The following SNED1 variants were observed in gnomAD, a reference collection of about 807,000 sequenced individuals.
SNED1 encodes the protein sushi, nidogen and EGF like domains 1, also known as sushi, nidogen and EGF-like domain-containing protein 1.
A neutral mutation model predicts 166.7 loss-of-function variants in SNED1; 81 were observed. That is an observed-to-expected ratio of 0.49 (90% CI 0.41 to 0.58). The LOEUF (loss-of-function observed/expected upper bound fraction) is 0.58. Among genes scored for constraint, SNED1 ranks in the 20% least tolerant of loss-of-function variants. The probability of loss-of-function intolerance (pLI) is 0.00; values close to 1 mark genes in which losing one functional copy is unlikely to be tolerated. For missense variants in SNED1, 1,604 were observed against 2,000.2 expected (o/e 0.80, Z 3.78); for synonymous variants, 762 against 822.0 (o/e 0.93, Z 1.25).
chr2:241,068,070 T>C lies in SNED1; in HGVS notation c.3194+123T>C. 1.1e-6 allele frequency: 1 copy of C among 928,268 alleles called. No homozygotes were observed. The highest frequency in any genetic ancestry group is 1.6e-6 in the Non-Finnish European group (1 of 625,762). The allele number at this position is 928,268 out of a possible 1,614,324, so 57.5% of individuals were successfully genotyped here. On this transcript the variant is annotated intron_variant, in intron 22 of 31. Coordinates refer to ENST00000310397, the MANE Select transcript of SNED1 (RefSeq NM_001080437.3). The surrounding 1 kb of genome is among the most constrained non-coding windows in gnomAD (Gnocchi z 5.3). ...ACTGTACCACCTGCCGCTCCTCACC[T>C]GAGCGGAGACAAAGGTCTCAGGTGA...
chr2:241,070,081 G>T lies in SNED1; in HGVS notation c.3469G>T (p.Ala1157Ser). The T allele has an allele frequency of 6.2e-7, 1 of 1,613,114 alleles. No individual in the cohort carries two copies. Among genetic ancestry groups the T allele is most frequent in the Non-Finnish European group, 8.5e-7 (1 of 1,179,890 alleles). The change falls in exon 24 of 32, where the codon GCG becomes TCG. Residue 1157 changes from alanine to serine, a missense_variant. Coordinates refer to ENST00000310397, the MANE Select transcript of SNED1 (RefSeq NM_001080437.3). The part of the protein sequence containing the change: ...KSRYVPNGKL[A>S]SYTVRDLLPG... ...CCGCTATGTCCCCAACGGGAAGCTGGCGTCCTACACGGTGCGCGACCTGCT... is the reference window on the plus strand; with the variant it reads ...CCGCTATGTCCCCAACGGGAAGCTGTCGTCCTACACGGTGCGCGACCTGCT...
At chr2:241,070,395 G>A (rs546116193) in intron 24 of SNED1, among the ~76,000 whole-genome samples, 194 bp downstream of exon 24, 1 of 152,374 alleles carries the variant, frequency 6.6e-6, no homozygotes, top group Non-Finnish European at 1.5e-5. Flanking sequence ...AGGACTCATG[G>A]GCAGGTGGCA....
intron 6 of SNED1, among the ~76,000 whole-genome samples, chr2:241,038,461 A>G (rs1358148896): frequency 6.6e-6 from 1 of 152,232 alleles, no homozygotes; most frequent in Non-Finnish European, 1.5e-5. Context: ...TGTGACTTCA[A>G]GGTCCAAAGC....
intron 1 of SNED1, among the ~76,000 whole-genome samples, chr2:241,023,372 A>T (rs2060826016): frequency 6.6e-6 from 1 of 151,970 alleles, no homozygotes; most frequent in Non-Finnish European, 1.5e-5. Context: ...CTTAACCTCT[A>T]CTTTTTAAGT....
rs1420530899 is a variant in SNED1 at position 240,999,160 on chromosome 2, G to A, written c.213+110G>A. The A allele has an allele frequency of 1.4e-5, 8 of 588,978 alleles. No homozygotes were observed. Among genetic ancestry groups the A allele is most frequent in the Non-Finnish European group, 1.9e-5 (8 of 416,668 alleles). 36.5% of individuals were successfully genotyped at this position (588,978 alleles called of 1,614,324 possible). ...GCCGCCGCCAGCCACTTGGCACCGGGGCGGCCCGAGGTGGAATGAGGACAG... is the reference window on the plus strand; with the variant it reads ...GCCGCCGCCAGCCACTTGGCACCGGAGCGGCCCGAGGTGGAATGAGGACAG... On this transcript the variant is annotated intron_variant, in intron 1 of 31. Coordinates refer to ENST00000310397, the MANE Select transcript of SNED1 (RefSeq NM_001080437.3). This position sits in a 1 kb window ranked among gnomAD's most constrained non-coding sequence, Gnocchi z 5.8.
chr2:241,052,495 G>A (rs1170301499), intron 15 of SNED1, 27 bp downstream of exon 15: 3 of 1,535,772 alleles, frequency 2.0e-6, no homozygotes, highest in Admixed American at 3.4e-5. Flanking sequence ...GATCAAGCAG[G>A]GTACATGGGA....
chr2:241,005,287 T>A (rs924597407), intron 1 of SNED1, among the ~76,000 whole-genome samples: 9 of 152,092 alleles, frequency 5.9e-5, no homozygotes, highest in African/African-American at 2.2e-4. Flanking sequence ...CACTGCAACC[T>A]CTGCCTCCCG....
chr2:241,048,883 C>G (rs1559263161), intron 10 of SNED1, 117 bp downstream of exon 10: 3 of 1,178,676 alleles, frequency 2.5e-6, no homozygotes, highest in Non-Finnish European at 3.7e-6. Flanking sequence ...GTTCTACCCC[C>G]ACCCAGGAGG....
In SNED1 at chr2:241,089,090, G is replaced by A. The variant is rs564100674; in HGVS notation, c.*1+688G>A. On this transcript the variant is annotated intron_variant, in intron 31 of 31. Coordinates refer to ENST00000310397, the MANE Select transcript of SNED1 (RefSeq NM_001080437.3). ...CCCCCACCTCCCCACACAAACTGCC[G>A]AATCTTAAACAACACTGGCATTCTT... is the stretch of plus-strand genomic sequence containing the variant. 150 of 464,574 alleles carry A rather than the reference G, an allele frequency of 3.2e-4. 1 individual carries two copies. The South Asian group carries it at 5.5e-3, about 17-fold the overall frequency. 28.8% of individuals were successfully genotyped at this position (464,574 alleles called of 1,614,324 possible).
At chr2:241,048,225 A>G in intron 8 of SNED1, 90 bp from the exon 9 acceptor site, 1 of 1,420,396 alleles carries the variant, frequency 7.0e-7, no homozygotes, top group Non-Finnish European at 9.3e-7. Flanking sequence ...AACAGAGGTG[A>G]AAACCCAAAG....
At chr2:241,000,724 G>A (rs969210573) in intron 1 of SNED1, among the ~76,000 whole-genome samples, 4 of 152,248 alleles carry the variant, frequency 2.6e-5, no homozygotes, top group Admixed American at 6.5e-5. Context: ...CTAGGGTTTC[G>A]TCAGAAATGA....
Position 241,081,665 on chromosome 2 carries a change from C to T in SNED1, c.3917-12C>T, listed in dbSNP as rs781204331. On this transcript the variant is annotated splice_polypyrimidine_tract_variant and intron_variant, in intron 27 of 31. Coordinates refer to ENST00000310397, the MANE Select transcript of SNED1 (RefSeq NM_001080437.3). ...GTTCCAGTGACTAACCTCTCGTGAC[C>T]TCTGTTTCCAGACGTCCCTGGCAAC... 5 of 1,577,104 alleles carry T rather than the reference C, an allele frequency of 3.2e-6. No individual in the cohort carries two copies. The highest frequency in any genetic ancestry group is 2.3e-5 in the South Asian group (2 of 86,514).
chr2:241,042,900 G>T (rs1028919033), intron 8 of SNED1, among the ~76,000 whole-genome samples: 3 of 152,194 alleles, frequency 2.0e-5, no homozygotes, highest in African/African-American at 7.2e-5. Flanking sequence ...CACGTATCTG[G>T]AGTCTGCGAA....
At chr2:241,079,240 A>G (rs1038119851) in intron 27 of SNED1, among the ~76,000 whole-genome samples, 41 of 150,922 alleles carry the variant, frequency 2.7e-4, no homozygotes, top group African/African-American at 8.5e-4. Context: ...GTGAAACCCC[A>G]TCTCTACTAA....
chr2:241,047,078 G>A (rs1380796743), intron 8 of SNED1, among the ~76,000 whole-genome samples: 1 of 150,346 alleles, frequency 6.7e-6, no homozygotes, highest in Non-Finnish European at 1.5e-5. Context: ...CAGGGAGTTG[G>A]AGGTTGCAGT....
At chr2:241,048,837 C>T in intron 10 of SNED1, 71 bp downstream of exon 10, 1 of 1,363,142 alleles carries the variant, frequency 7.3e-7, no homozygotes, top group Admixed American at 2.0e-5. Flanking sequence ...ATGGTGGCTT[C>T]GGCCGGGGTC....
In SNED1 at chr2:241,094,398, CTT is replaced by C. The variant is rs2064250116; in HGVS notation, c.*2766_*2767del. ...TGCTTTTCTTTTGCAAAACAAAAGT[CTT>C]TTTCTTTGCAGTCACGCTGTAAGAC... is the stretch of plus-strand genomic sequence containing the variant. On this transcript the variant is annotated 3_prime_UTR_variant, in exon 32 of 32. Transcript: ENST00000310397. This position sits in a 1 kb window ranked among gnomAD's most constrained non-coding sequence, Gnocchi z 4.3. The C allele has an allele frequency of 4.2e-6, 2 of 471,096 alleles. No individual in the cohort carries two copies. Among genetic ancestry groups the C allele is most frequent in the Admixed American group, 2.4e-5 (1 of 42,546 alleles). The allele number at this position is 471,096 out of a possible 1,614,324, so 29.2% of individuals were successfully genotyped here. A position where few individuals can be genotyped will look rare whatever the true frequency, so the allele number is the denominator to read the frequency against.
chr2:241,015,684 T>G (rs1160108895), intron 1 of SNED1: 1 of 171,310 alleles, frequency 5.8e-6, no homozygotes, highest in African/African-American at 2.4e-5. Flanking sequence ...ATGAATCGTC[T>G]CATAGCGGTG....
intron 1 of SNED1, among the ~76,000 whole-genome samples, chr2:241,024,959 C>T (rs900684970): frequency 6.6e-6 from 1 of 152,172 alleles, no homozygotes; most frequent in Non-Finnish European, 1.5e-5. Flanking sequence ...CAGGCATGAG[C>T]CACCATGCCT....
Sources: gnomAD v4.1 joint callset for allele counts (sites outside exome capture counted in the v4.1 genomes callset) on GRCh38, gnomAD v4.1.1 for gene constraint, Gnocchi (gnomAD v3.1) non-coding constraint, MANE v1.5 for transcripts, NCBI Gene and HGNC (gene_info 2026-07-23, HGNC 2026-07-21) for gene names.